The following CSMD1 variants were observed in gnomAD, a reference collection of about 807,000 sequenced individuals.
CSMD1 encodes the protein CUB and Sushi multiple domains 1, also known as CUB and sushi domain-containing protein 1.
In CSMD1, 213 loss-of-function variants were observed where a neutral mutation model predicts 417.5. The ratio of observed to expected loss-of-function variants is 0.51; its 90% CI spans 0.46 to 0.57. The LOEUF is 0.57. Ranked by LOEUF, CSMD1 falls within the 20% of genes least tolerant of loss-of-function variation. The pLI, the probability that CSMD1 is intolerant of heterozygous loss-of-function variation, is 0.00. For synonymous variants in CSMD1, 2,862 were observed against 1,736.8 expected, an observed-to-expected ratio of 1.65 and a Z score of -16.11; for missense variants, 6,923 against 4,529.7, an observed-to-expected ratio of 1.53 and a Z score of -15.17.
At chr8:3,834,682 C>A (rs150997554) in intron 5 of CSMD1, among the ~76,000 whole-genome samples, 2 of 151,920 alleles carry the variant, frequency 1.3e-5, no homozygotes, top group South Asian at 2.1e-4. Flanking sequence ...ATCCACAGAA[C>A]GTGTAGTTGG....
chr8:3,669,049 T>C (rs1306960406), intron 7 of CSMD1, among the ~76,000 whole-genome samples: 3 of 152,118 alleles, frequency 2.0e-5, no homozygotes, highest in Admixed American at 1.3e-4. Flanking sequence ...CCTTAACCTG[T>C]CTTCAAAACT....
intron 5 of CSMD1, among the ~76,000 whole-genome samples, chr8:3,907,949 G>C (rs1336928629): frequency 2.6e-5 from 4 of 151,970 alleles, no homozygotes; most frequent in Non-Finnish European, 4.4e-5. Flanking sequence ...TTTTTTGGGG[G>C]GTGTGGGGAG....
chr8:4,417,774 T>G (rs2128938345), intron 3 of CSMD1, among the ~76,000 whole-genome samples: 1 of 152,174 alleles, frequency 6.6e-6, no homozygotes, highest in African/African-American at 2.4e-5. Context: ...TTATTATCAT[T>G]AATTCTACTT....
chr8:4,714,110 A>G (rs1258131855), intron 1 of CSMD1, among the ~76,000 whole-genome samples: 2 of 151,900 alleles, frequency 1.3e-5, no homozygotes, highest in African/African-American at 4.8e-5. Flanking sequence ...ATGCCATTGC[A>G]CTCCAGTCTG....
chr8:3,928,966 G>A (rs1809944309), intron 5 of CSMD1, among the ~76,000 whole-genome samples: 1 of 150,468 alleles, frequency 6.6e-6, no homozygotes, highest in Non-Finnish European at 1.5e-5. Flanking sequence ...GGTTTTGTGT[G>A]CTAAAACAAT....
At chr8:4,200,251 T>G (rs1405660079) in intron 3 of CSMD1, among the ~76,000 whole-genome samples, 2 of 152,302 alleles carry the variant, frequency 1.3e-5, no homozygotes, top group Admixed American at 1.3e-4. Flanking sequence ...CTCTATTCAA[T>G]ACACTGATGA....
chr8:4,602,222 G>C (rs73502576), intron 2 of CSMD1, among the ~76,000 whole-genome samples: 4,328 of 152,134 alleles, frequency 0.028, 93 homozygotes, highest in African/African-American at 0.063. Context: ...CTATGTCATT[G>C]AAAATTGATG....
chr8:4,443,179 T>G lies in CSMD1; in HGVS notation c.303-23114A>C, dbSNP rs73660819. Among the ~76,000 whole-genome samples the G allele has an allele frequency of 5.4e-3, 830 of 152,302 alleles. 8 individuals are homozygous for G. The highest frequency in any genetic ancestry group is 0.019 in the African/African-American group (786 of 41,570). On this transcript the variant is annotated intron_variant, in intron 2 of 69. Coordinates refer to ENST00000635120, the MANE Select transcript of CSMD1 (RefSeq NM_033225.6). Reference sequence around the variant, plus strand: ...CTTTTAAATGGTAGAATTCTTACAGTGATATATTACTGAGTATACAAGAGG... The same window carrying G: ...CTTTTAAATGGTAGAATTCTTACAGGGATATATTACTGAGTATACAAGAGG...
intron 5 of CSMD1, among the ~76,000 whole-genome samples, chr8:3,978,370 A>G (rs11987702): frequency 0.28 from 43,222 of 151,956 alleles, 6,557 homozygotes; most frequent in East Asian, 0.4. Flanking sequence ...TTTACATCTT[A>G]TTTATCAAAT....
At chr8:4,220,406 G>A (rs2128807983) in intron 3 of CSMD1, among the ~76,000 whole-genome samples, 1 of 152,336 alleles carries the variant, frequency 6.6e-6, no homozygotes, top group African/African-American at 2.4e-5. Flanking sequence ...AACGGTTAGT[G>A]TTTAGCAGTA....
At chr8:3,251,004 T>G (rs1039407048) in intron 26 of CSMD1, among the ~76,000 whole-genome samples, 3 of 152,288 alleles carry the variant, frequency 2.0e-5, no homozygotes, top group Non-Finnish European at 2.9e-5. Flanking sequence ...TTTCTCCCAT[T>G]TTGTAGGTTG....
intron 2 of CSMD1, among the ~76,000 whole-genome samples, chr8:4,422,525 G>C (rs570457082): frequency 3.3e-5 from 5 of 152,098 alleles, no homozygotes; most frequent in Admixed American, 3.3e-4. Flanking sequence ...GACCATGTGA[G>C]CATGGAACAG....
At chr8:4,401,660 T>G (rs1195709664) in intron 3 of CSMD1, among the ~76,000 whole-genome samples, 1 of 152,146 alleles carries the variant, frequency 6.6e-6, no homozygotes, top group Non-Finnish European at 1.5e-5. Context: ...CCATCTCATT[T>G]TATTCTCATC....
intron 2 of CSMD1, among the ~76,000 whole-genome samples, chr8:4,457,620 C>T (rs147523681): frequency 2.0e-5 from 3 of 152,072 alleles, no homozygotes; most frequent in East Asian, 1.9e-4. Context: ...ATAATGGAGC[C>T]AATCATCATA....
chr8:4,673,065 GCACA>G (rs59729776), intron 1 of CSMD1, among the ~76,000 whole-genome samples: 1 of 151,310 alleles, frequency 6.6e-6, no homozygotes, highest in Non-Finnish European at 1.5e-5. Context: ...TGCTGACATG[GCACA>G]CACACACAAG....
chr8:3,509,312 T>C (rs1167551136), intron 10 of CSMD1, among the ~76,000 whole-genome samples: 7 of 152,206 alleles, frequency 4.6e-5, no homozygotes, highest in Admixed American at 2.0e-4. Flanking sequence ...CCCCCACCCA[T>C]AGTTATAGTA....
intron 50 of CSMD1, among the ~76,000 whole-genome samples, chr8:3,030,175 G>C (rs913350006): frequency 6.6e-6 from 1 of 152,018 alleles, no homozygotes; most frequent in African/African-American, 2.4e-5. Context: ...AGTAGTAGCA[G>C]TAGTAGTATA....
chr8:4,860,530 G>C (rs1802069500), intron 1 of CSMD1, among the ~76,000 whole-genome samples: 1 of 151,974 alleles, frequency 6.6e-6, no homozygotes, highest in Admixed American at 6.6e-5. Context: ...GGCCTCGCTG[G>C]AACTTGAGCA....
intron 3 of CSMD1, among the ~76,000 whole-genome samples, chr8:4,172,184 G>C (rs946374235): frequency 5.9e-5 from 9 of 151,990 alleles, no homozygotes; most frequent in African/African-American, 1.5e-4. Flanking sequence ...CTTTTAATGA[G>C]AAAAACTCTA....
Sources: allele counts gnomAD v4.1 joint callset (sites outside exome capture counted in the v4.1 genomes callset), GRCh38; gene constraint gnomAD v4.1.1; transcripts MANE v1.5; gene names NCBI Gene and HGNC (gene_info 2026-07-23, HGNC 2026-07-21).